Variants in CDC42SE2 observed in about 807,000 individuals in gnomAD.
CDC42SE2 encodes CDC42 small effector protein 2.
A neutral mutation model predicts 11.5 loss-of-function variants in CDC42SE2; 3 were observed. That is an observed-to-expected ratio of 0.26 (90% CI 0.12 to 0.67). CDC42SE2 has a LOEUF of 0.67. Ranked by LOEUF, CDC42SE2 falls within the 30% of genes least tolerant of loss-of-function variation. CDC42SE2 has a pLI of 0.80. For synonymous variants in CDC42SE2, 33 were observed against 34.8 expected (o/e 0.95, Z 0.18); for missense variants, 82 against 106.8 (o/e 0.77, Z 1.02).
At chr5:131,272,495 A>G (rs1199866102) in intron 1 of CDC42SE2, among the ~76,000 whole-genome samples, 3 of 152,086 alleles carry the variant, frequency 2.0e-5, no homozygotes, top group Admixed American at 6.5e-5. Context: ...GTCTCCTTGT[A>G]TCTTTACCCA....
At chr5:131,264,567 G>A (rs961846134) in intron 1 of CDC42SE2, among the ~76,000 whole-genome samples, 1 of 152,132 alleles carries the variant, frequency 6.6e-6, no homozygotes, top group South Asian at 2.1e-4. Flanking sequence ...AGGGCCCGGG[G>A]TCTCTAGGTG....
intron 3 of CDC42SE2, among the ~76,000 whole-genome samples, chr5:131,363,136 C>CT (rs1243692804): frequency 1.3e-5 from 2 of 150,112 alleles, no homozygotes; most frequent in Non-Finnish European, 3.0e-5. Flanking sequence ...GGGCAAGACT[C>CT]TATCTAAAAA....
intron 3 of CDC42SE2, among the ~76,000 whole-genome samples, chr5:131,371,033 T>C (rs1251791127): frequency 6.6e-6 from 1 of 152,160 alleles, no homozygotes. Context: ...TGTAGAAAAA[T>C]AAAATGTTTT....
At chr5:131,372,351 C>A (rs40396) in intron 3 of CDC42SE2, among the ~76,000 whole-genome samples, 1 of 151,860 alleles carries the variant, frequency 6.6e-6, no homozygotes, top group African/African-American at 2.4e-5. Context: ...TTTTTAAGAA[C>A]TCCAAGGTTC....
At chr5:131,387,912 A>C (rs1046301835) in intron 4 of CDC42SE2, among the ~76,000 whole-genome samples, 5 of 152,162 alleles carry the variant, frequency 3.3e-5, no homozygotes, top group Admixed American at 2.0e-4. Context: ...TTCGTATTTG[A>C]GTTTGCTATC....
intron 2 of CDC42SE2, among the ~76,000 whole-genome samples, chr5:131,350,086 A>G (rs1412450258): frequency 1.3e-5 from 2 of 152,116 alleles, no homozygotes; most frequent in Non-Finnish European, 2.9e-5. Flanking sequence ...ATTTAAAAAA[A>G]TCAAATATAT....
intron 2 of CDC42SE2, among the ~76,000 whole-genome samples, chr5:131,353,697 G>C (rs1749439739): frequency 6.6e-6 from 1 of 152,128 alleles, no homozygotes; most frequent in African/African-American, 2.4e-5. Flanking sequence ...CTTGAGGTCA[G>C]GCGTTTGAGA....
At chr5:131,346,646 A>G (rs970025327) in intron 2 of CDC42SE2, among the ~76,000 whole-genome samples, 3 of 152,240 alleles carry the variant, frequency 2.0e-5, no homozygotes, top group African/African-American at 7.2e-5. Flanking sequence ...CTCTGCACCA[A>G]GCCAACCTAA....
At chr5:131,322,670 T>C (rs111885252) in intron 2 of CDC42SE2, among the ~76,000 whole-genome samples, 24 of 152,218 alleles carry the variant, frequency 1.6e-4, no homozygotes, top group African/African-American at 5.8e-4. Flanking sequence ...AATATTCCAT[T>C]GTATGTTTGT....
At chr5:131,248,421 G>A (rs567870165) in intron 1 of CDC42SE2, among the ~76,000 whole-genome samples, 1 of 152,332 alleles carries the variant, frequency 6.6e-6, no homozygotes, top group South Asian at 2.1e-4. Flanking sequence ...ATAGGCATGA[G>A]CCACCATGCC....
intron 3 of CDC42SE2, among the ~76,000 whole-genome samples, chr5:131,383,236 A>C (rs1470765909): frequency 1.3e-5 from 2 of 152,204 alleles, no homozygotes; most frequent in Non-Finnish European, 2.9e-5. Context: ...AGATCATCAG[A>C]GGGAGCAGTA....
chr5:131,248,067 G>C (rs1164992792), intron 1 of CDC42SE2, among the ~76,000 whole-genome samples: 2 of 152,036 alleles, frequency 1.3e-5, no homozygotes, highest in East Asian at 1.9e-4. Context: ...TTGATTAAGA[G>C]TATCTATACT....
chr5:131,338,901 G>T (rs1179449848), intron 2 of CDC42SE2, among the ~76,000 whole-genome samples: 1 of 152,108 alleles, frequency 6.6e-6, no homozygotes, highest in Non-Finnish European at 1.5e-5. Flanking sequence ...TGCAACTTGT[G>T]AGCCTGACCT....
At chr5:131,324,943 A>T (rs1758266189) in intron 2 of CDC42SE2, among the ~76,000 whole-genome samples, 4 of 152,232 alleles carry the variant, frequency 2.6e-5, no homozygotes, top group Non-Finnish European at 5.9e-5. Context: ...TGCTCATATC[A>T]GTTTTAATGT....
Position 131,292,170 on chromosome 5 carries a change from C to T in CDC42SE2, c.-454-23806C>T, listed in dbSNP as rs183562077. 7.5e-4 allele frequency among the ~76,000 whole-genome samples: 95 copies of T among 126,286 alleles called. 1 individual carries two copies. In the East Asian group the frequency reaches 0.013, roughly 17 times the overall value. 82.8% of individuals were successfully genotyped at this position (126,286 alleles called of 152,430 possible). A position where few individuals can be genotyped will look rare whatever the true frequency, so the allele number is the denominator to read the frequency against. ...AGGAGAATCGCTTGAGCCTGGGAGG[C>T]GGAGGTTGCAGTGATCCGAGATTGT... is the stretch of plus-strand genomic sequence containing the variant. On this transcript the variant is annotated intron_variant, in intron 1 of 4. Coordinates refer to ENST00000505065, the MANE Select transcript of CDC42SE2 (RefSeq NM_001375635.1).
intron 2 of CDC42SE2, among the ~76,000 whole-genome samples, chr5:131,335,904 G>A (rs1469379615): frequency 6.6e-6 from 1 of 152,102 alleles, no homozygotes; most frequent in African/African-American, 2.4e-5. Context: ...CACACTGACG[G>A]GTCTTGACTC....
chr5:131,259,882 TGTG>T (rs1408585431), upstream of CDC42SE2, among the ~76,000 whole-genome samples: 2 of 152,270 alleles, frequency 1.3e-5, no homozygotes, highest in Non-Finnish European at 2.9e-5. Flanking sequence ...TCTGGCACGT[TGTG>T]GTGGCAGAAG....
At chr5:131,281,947 ATTTC>A (rs1757245579) in intron 1 of CDC42SE2, among the ~76,000 whole-genome samples, 1 of 152,192 alleles carries the variant, frequency 6.6e-6, no homozygotes, top group Non-Finnish European at 1.5e-5. Flanking sequence ...TAAATGTTTA[ATTTC>A]CTTTCAACAA....
chr5:131,307,719 C>A (rs1300094580), intron 1 of CDC42SE2, among the ~76,000 whole-genome samples: 3 of 152,170 alleles, frequency 2.0e-5, no homozygotes, highest in Non-Finnish European at 4.4e-5. Context: ...CACATCCTCT[C>A]CAGCACCTGT....
Sources: gnomAD v4.1 joint callset for allele counts (sites outside exome capture counted in the v4.1 genomes callset) on GRCh38, gnomAD v4.1.1 for gene constraint, MANE v1.5 for transcripts, NCBI Gene and HGNC (gene_info 2026-07-23, HGNC 2026-07-21) for gene names.